Variants in TENM3 observed in about 807,000 individuals in gnomAD.
TENM3 encodes teneurin-3.
In TENM3, 63 loss-of-function variants were observed where a neutral mutation model predicts 255.1. The observed-to-expected ratio is 0.25, with a 90% CI of 0.20 to 0.30. The LOEUF is 0.30. Ranked by LOEUF, TENM3 falls within the 10% of genes least tolerant of loss-of-function variation. TENM3 has a pLI of 1.00. For synonymous variants in TENM3, 1,306 were observed against 1,322.3 expected (o/e 0.99, Z 0.27); for missense variants, 2,929 against 3,461.1 (o/e 0.85, Z 3.86).
chr4:181,931,706 C>G, the TENM3 span, among the ~76,000 whole-genome samples: 1 of 152,128 alleles, frequency 6.6e-6, no homozygotes, highest in Non-Finnish European at 1.5e-5. Context: ...TCCGTATAGC[C>G]AAGGCAATCC....
At chr4:182,107,632 G>A in the TENM3 span, among the ~76,000 whole-genome samples, 1 of 152,176 alleles carries the variant, frequency 6.6e-6, no homozygotes, top group African/African-American at 2.4e-5. Flanking sequence ...ATCTGTCCAC[G>A]AAGCGAGGAA....
At chr4:181,461,959 G>A in the TENM3 span, among the ~76,000 whole-genome samples, 1 of 151,992 alleles carries the variant, frequency 6.6e-6, no homozygotes, top group Non-Finnish European at 1.5e-5. Context: ...TTACATTTTT[G>A]GATTCTGGAC....
chr4:181,674,677 A>G, the TENM3 span, among the ~76,000 whole-genome samples: 3 of 152,164 alleles, frequency 2.0e-5, no homozygotes, highest in Non-Finnish European at 4.4e-5. Flanking sequence ...GAGGACACAG[A>G]TGATTTTTTT....
At chr4:181,453,363 A>G in the TENM3 span, among the ~76,000 whole-genome samples, 160 of 152,296 alleles carry the variant, frequency 1.1e-3, no homozygotes, top group African/African-American at 3.8e-3. Context: ...CTATATTTCA[A>G]CGTGGAGTTT....
the TENM3 span, among the ~76,000 whole-genome samples, chr4:181,836,084 C>T: frequency 1.3e-5 from 2 of 151,974 alleles, no homozygotes; most frequent in African/African-American, 4.8e-5. Flanking sequence ...CTGCGAGCTC[C>T]TTGAGGACAA....
At chr4:182,299,013 A>ATGAGGT (rs111604362) in intron 1 of TENM3, among the ~76,000 whole-genome samples, 2 of 94,294 alleles carry the variant, frequency 2.1e-5, no homozygotes, top group East Asian at 2.8e-4. Flanking sequence ...AAAAAAAAAA[A>ATGAGGT]AAAGAGGTAA....
the TENM3 span, among the ~76,000 whole-genome samples, chr4:181,939,026 G>T: frequency 6.6e-6 from 1 of 151,808 alleles, no homozygotes; most frequent in Non-Finnish European, 1.5e-5. Flanking sequence ...ATGCTATAAA[G>T]ACAACTCTAT....
chr4:182,287,808 G>A (rs966030009), intron 1 of TENM3, among the ~76,000 whole-genome samples: 6 of 151,798 alleles, frequency 4.0e-5, no homozygotes, highest in African/African-American at 1.2e-4. Context: ...TAGTAAAGAG[G>A]TGGTTTCACC....
chr4:182,321,381 T>A (rs1432016668), intron 1 of TENM3, among the ~76,000 whole-genome samples: 1 of 152,136 alleles, frequency 6.6e-6, no homozygotes, highest in East Asian at 1.9e-4. Context: ...ATCCCAGCAC[T>A]TTGAGAGGCC....
chr4:181,899,254 C>A, the TENM3 span, among the ~76,000 whole-genome samples: 1 of 151,842 alleles, frequency 6.6e-6, no homozygotes, highest in Non-Finnish European at 1.5e-5. Flanking sequence ...AAGACTAGTT[C>A]TAGGTCCACA....
the TENM3 span, among the ~76,000 whole-genome samples, chr4:181,884,198 G>C: frequency 3.9e-5 from 6 of 152,114 alleles, no homozygotes; most frequent in African/African-American, 1.2e-4. Context: ...GTTAGTTCAA[G>C]GTCTCCTGTC....
chr4:181,816,681 C>T, the TENM3 span, among the ~76,000 whole-genome samples: 9 of 152,132 alleles, frequency 5.9e-5, no homozygotes, highest in Non-Finnish European at 1.3e-4. Context: ...GTTGATAATG[C>T]CACCCATCTA....
At chr4:182,609,803 C>T (rs1748814134) in intron 4 of TENM3, among the ~76,000 whole-genome samples, 1 of 147,730 alleles carries the variant, frequency 6.8e-6, no homozygotes, top group African/African-American at 2.4e-5. Context: ...GATTGTAATA[C>T]TTCACAACGA....
At chr4:181,539,192 G>C in the TENM3 span, among the ~76,000 whole-genome samples, 1 of 152,046 alleles carries the variant, frequency 6.6e-6, no homozygotes. Context: ...CAACCAACCA[G>C]GGAAAACTAA....
chr4:181,500,606 A>G, the TENM3 span, among the ~76,000 whole-genome samples: 1 of 152,190 alleles, frequency 6.6e-6, no homozygotes, highest in Admixed American at 6.5e-5. Flanking sequence ...ACTGAAAAAT[A>G]TCAGTAGAAA....
the TENM3 span, among the ~76,000 whole-genome samples, chr4:181,567,692 C>T: frequency 6.6e-6 from 1 of 152,184 alleles, no homozygotes; most frequent in Middle Eastern, 3.4e-3. Context: ...TCTTCATGAA[C>T]TAGAAGTTGA....
chr4:181,880,773 C>A, the TENM3 span, among the ~76,000 whole-genome samples: 2 of 152,106 alleles, frequency 1.3e-5, no homozygotes, highest in African/African-American at 4.8e-5. Flanking sequence ...CATACAAATT[C>A]ACAAAGGAAT....
At chr4:182,029,189 C>T in the TENM3 span, among the ~76,000 whole-genome samples, 4 of 152,006 alleles carry the variant, frequency 2.6e-5, no homozygotes, top group African/African-American at 4.8e-5. Context: ...AAAGCAGGAT[C>T]AAGAGAACAA....
intron 1 of TENM3, among the ~76,000 whole-genome samples, chr4:182,223,013 G>T (rs1199602531): frequency 1.3e-5 from 2 of 152,094 alleles, no homozygotes; most frequent in African/African-American, 4.8e-5. Context: ...TTTGGTCTTG[G>T]TCTGCACAAA....
Sources: gnomAD v4.1 joint callset for allele counts (sites outside exome capture counted in the v4.1 genomes callset) on GRCh38, gnomAD v4.1.1 for gene constraint, MANE v1.5 for transcripts, NCBI Gene and HGNC (gene_info 2026-07-23, HGNC 2026-07-21) for gene names.